Variants in STAG1 observed in about 807,000 individuals in gnomAD.
STAG1 encodes the protein STAG1 cohesin complex component.
A neutral mutation model predicts 170.9 loss-of-function variants in STAG1; 26 were observed. The observed-to-expected ratio is 0.15, with a 90% CI of 0.11 to 0.21. STAG1 has a LOEUF of 0.21. STAG1 is among the 10% of genes least tolerant of loss of function. STAG1 has a pLI of 1.00. For missense variants in STAG1, 964 were observed against 1,509.5 expected (o/e 0.64, Z 5.99); for synonymous variants, 514 against 497.7 (o/e 1.03, Z -0.44).
chr3:136,636,632 T>A (rs1370425811), intron 1 of STAG1, among the ~76,000 whole-genome samples: 1 of 152,230 alleles, frequency 6.6e-6, no homozygotes. Flanking sequence ...TAGCATAGGC[T>A]AACTGATATA....
At chr3:136,484,296 A>G (rs983805797) in intron 9 of STAG1, among the ~76,000 whole-genome samples, 2 of 151,388 alleles carry the variant, frequency 1.3e-5, no homozygotes, top group Non-Finnish European at 3.0e-5. Flanking sequence ...TCCTTCTAAC[A>G]GACAGGACCC....
chr3:136,747,059 G>T (rs1053637648), intron 1 of STAG1, among the ~76,000 whole-genome samples: 1 of 129,392 alleles, frequency 7.7e-6, no homozygotes, highest in African/African-American at 3.1e-5. Flanking sequence ...TTGCACCACT[G>T]CACTCCAGCC....
chr3:136,374,025 C>T (rs906293880), intron 23 of STAG1, among the ~76,000 whole-genome samples: 5 of 152,190 alleles, frequency 3.3e-5, no homozygotes, highest in Middle Eastern at 3.4e-3. Flanking sequence ...CTGGGTGCTC[C>T]TGTGTTGGGT....
chr3:136,735,436 AT>A (rs568707978), intron 1 of STAG1, among the ~76,000 whole-genome samples: 24 of 140,622 alleles, frequency 1.7e-4, no homozygotes, highest in East Asian at 1.3e-3. Flanking sequence ...TTGCCTCTGC[AT>A]TTTTTTTTTC....
intron 1 of STAG1, among the ~76,000 whole-genome samples, chr3:136,641,755 A>C (rs779709591): frequency 4.6e-5 from 7 of 152,236 alleles, no homozygotes; most frequent in African/African-American, 7.2e-5. Context: ...ATGACATTTG[A>C]ATAAGTTCTA....
chr3:136,523,701 T>C (rs563589485), intron 6 of STAG1, among the ~76,000 whole-genome samples: 75 of 152,314 alleles, frequency 4.9e-4, no homozygotes, highest in Non-Finnish European at 3.2e-4. Context: ...TTGCCTAGGT[T>C]TTCTTCTAGA....
intron 13 of STAG1, among the ~76,000 whole-genome samples, chr3:136,463,788 C>CACACAT (rs1553725836): frequency 7.7e-6 from 1 of 129,554 alleles, no homozygotes; most frequent in African/African-American, 2.7e-5. Flanking sequence ...CACACACACA[C>CACACAT]ACATATACAT....
chr3:136,523,065 A>G (rs916180831), intron 6 of STAG1, among the ~76,000 whole-genome samples: 4 of 152,286 alleles, frequency 2.6e-5, no homozygotes, highest in East Asian at 3.9e-4. Context: ...ATGATTTATA[A>G]TCCTTTGGAT....
intron 9 of STAG1, among the ~76,000 whole-genome samples, chr3:136,478,473 C>T (rs2089820307): frequency 6.6e-6 from 1 of 152,294 alleles, no homozygotes; most frequent in African/African-American, 2.4e-5. Flanking sequence ...ACTATAATAT[C>T]ATAAATCCTA....
intron 11 of STAG1, 136 bp downstream of exon 11, chr3:136,473,403 G>T: frequency 1.6e-6 from 1 of 611,550 alleles, no homozygotes; most frequent in Non-Finnish European, 2.7e-6. Context: ...CTGGTCCCTG[G>T]TGCCAAAAAG....
At chr3:136,726,380 T>C (rs764948169) in intron 1 of STAG1, among the ~76,000 whole-genome samples, 86 of 152,112 alleles carry the variant, frequency 5.7e-4, no homozygotes, top group Non-Finnish European at 5.3e-4. Context: ...TTGCCAAATG[T>C]CCCCTGGGAA....
At chr3:136,498,210 T>TTA (rs374645920) in intron 9 of STAG1, among the ~76,000 whole-genome samples, 13,364 of 50,192 alleles carry the variant, frequency 0.27, 2,964 homozygotes, top group Non-Finnish European at 0.28. Context: ...AAAAAAAAAA[T>TTA]TATATATATA....
chr3:136,386,034 G>C (rs1248044207), intron 22 of STAG1, among the ~76,000 whole-genome samples: 4 of 152,058 alleles, frequency 2.6e-5, no homozygotes, highest in African/African-American at 7.2e-5. Context: ...AAATTAAGTT[G>C]ACGTTTTTAA....
chr3:136,536,290 C>G (rs1935618198), intron 6 of STAG1, among the ~76,000 whole-genome samples: 1 of 152,086 alleles, frequency 6.6e-6, no homozygotes, highest in African/African-American at 2.4e-5. Flanking sequence ...CTTACTGGAT[C>G]AGCAGTAAGA....
intron 3 of STAG1, among the ~76,000 whole-genome samples, chr3:136,608,571 G>C (rs1576661974): frequency 6.9e-6 from 1 of 145,570 alleles, no homozygotes; most frequent in East Asian, 2.0e-4. Context: ...TACCAGCACA[G>C]GGGTAGACAA....
chr3:136,379,632 C>T (rs554593285), intron 22 of STAG1, among the ~76,000 whole-genome samples: 1 of 152,202 alleles, frequency 6.6e-6, no homozygotes, highest in Non-Finnish European at 1.5e-5. Flanking sequence ...TGGCTTGAAT[C>T]TGGGAGGCAG....
intron 1 of STAG1, among the ~76,000 whole-genome samples, chr3:136,747,689 A>C (rs186511525): frequency 2.0e-5 from 3 of 152,306 alleles, no homozygotes; most frequent in Admixed American, 2.0e-4. Context: ...CAAAAAATAA[A>C]AAATAAATTC....
intron 10 of STAG1, among the ~76,000 whole-genome samples, chr3:136,476,847 G>A (rs572017532): frequency 6.6e-6 from 1 of 151,908 alleles, no homozygotes; most frequent in East Asian, 1.9e-4. Context: ...AAGTCAGAAG[G>A]CAGAATTAGA....
In STAG1 at chr3:136,359,289, T is replaced by C; in HGVS notation, c.2795A>G (p.Asn932Ser). The C allele has an allele frequency of 6.4e-7, 1 of 1,567,758 alleles. No homozygotes were observed. Among genetic ancestry groups the C allele is most frequent in the Non-Finnish European group, 8.6e-7 (1 of 1,156,650 alleles). Reference sequence around the variant, plus strand: ...GGGACCTTGCTCTTGAACAAGTTCATTAAATAACTGATAGAAAGAAAAAAA... The same window carrying C: ...GGGACCTTGCTCTTGAACAAGTTCACTAAATAACTGATAGAAAGAAAAAAA... ...TLILSLQQLF[N>S]ELVQEQGPNL... The change falls in exon 27 of 34, where the codon AAT becomes AGT. Residue 932 changes from asparagine (N) to serine (S), a missense_variant. By Grantham distance (46) the Asn-to-Ser change is conservative. Transcript: ENST00000383202.
Sources: allele counts gnomAD v4.1 joint callset (sites outside exome capture counted in the v4.1 genomes callset), GRCh38; gene constraint gnomAD v4.1.1; transcripts MANE v1.5; gene names NCBI Gene and HGNC (gene_info 2026-07-23, HGNC 2026-07-21).